Variants in HECW2 observed in about 807,000 individuals in gnomAD.
The protein encoded by HECW2 is HECT, C2 and WW domain containing E3 ubiquitin protein ligase 2.
In HECW2, 61 loss-of-function variants were observed where a neutral mutation model predicts 175.2. The observed-to-expected ratio is 0.35, with a 90% CI of 0.28 to 0.43. HECW2 has a LOEUF of 0.43. Among genes scored for constraint, HECW2 ranks in the 20% least tolerant of loss-of-function variants. The pLI is 1.00. For missense variants in HECW2, 1,524 were observed against 2,000.5 expected (o/e 0.76, Z 4.54); for synonymous variants, 671 against 731.0 (o/e 0.92, Z 1.32).
chr2:196,291,474 A>G (rs1331999895), intron 14 of HECW2: 1 of 152,216 alleles, frequency 6.6e-6, no homozygotes, highest in Non-Finnish European at 1.5e-5. Flanking sequence ...TAGTTGGCTT[A>G]CCTGTTTTGC....
chr2:196,245,717 C>T (rs191347522), intron 19 of HECW2, among the ~76,000 whole-genome samples: 2 of 152,232 alleles, frequency 1.3e-5, no homozygotes, highest in East Asian at 1.9e-4. Context: ...TGGCTATTGA[C>T]CAATAATCTG....
chr2:196,565,139 C>T (rs1575677877), intron 1 of HECW2, among the ~76,000 whole-genome samples: 1 of 152,106 alleles, frequency 6.6e-6, no homozygotes, highest in African/African-American at 2.4e-5. Flanking sequence ...AGGCCAGTGG[C>T]TGCAGTAACC....
intron 28 of HECW2, among the ~76,000 whole-genome samples, chr2:196,203,776 C>G (rs1328282601): frequency 2.6e-5 from 4 of 152,154 alleles, no homozygotes; most frequent in African/African-American, 9.7e-5. Flanking sequence ...CATTAGTACA[C>G]CTACGTTATT....
At chr2:196,279,536 T>C in intron 14 of HECW2, among the ~76,000 whole-genome samples, 1 of 152,192 alleles carries the variant, frequency 6.6e-6, no homozygotes, top group Non-Finnish European at 1.5e-5. Context: ...TCCACATCTC[T>C]ATCACCATAG....
At chr2:196,451,264 T>C (rs1490682176) in intron 1 of HECW2, among the ~76,000 whole-genome samples, 1 of 151,444 alleles carries the variant, frequency 6.6e-6, no homozygotes, top group African/African-American at 2.4e-5. Context: ...TGAAACCCCG[T>C]CTCTACTAAA....
chr2:196,236,888 A>C (rs1179975884), intron 21 of HECW2, among the ~76,000 whole-genome samples: 1 of 152,212 alleles, frequency 6.6e-6, no homozygotes, highest in Non-Finnish European at 1.5e-5. Flanking sequence ...TCTACTGTGA[A>C]GTTACTTTGT....
chr2:196,562,714 C>A (rs1002064189), intron 1 of HECW2, among the ~76,000 whole-genome samples: 4 of 151,314 alleles, frequency 2.6e-5, no homozygotes, highest in African/African-American at 9.8e-5. Flanking sequence ...CAGGAGGCAG[C>A]ACTCAGAATT....
At chr2:196,470,752 A>G (rs532435421) in intron 1 of HECW2, among the ~76,000 whole-genome samples, 1 of 152,310 alleles carries the variant, frequency 6.6e-6, no homozygotes, top group South Asian at 2.1e-4. Flanking sequence ...ACCCATTGAT[A>G]TATGGAAGCT....
At chr2:196,416,369 G>A (rs578025558) in intron 2 of HECW2, among the ~76,000 whole-genome samples, 11 of 152,262 alleles carry the variant, frequency 7.2e-5, no homozygotes, top group African/African-American at 2.4e-4. Flanking sequence ...GTATTTCTAT[G>A]TATTTGATCA....
intron 1 of HECW2, among the ~76,000 whole-genome samples, chr2:196,443,027 C>A (rs1227874788): frequency 6.6e-6 from 1 of 152,004 alleles, no homozygotes; most frequent in East Asian, 1.9e-4. Flanking sequence ...AAATAATGAA[C>A]CAAAGATGCT....
chr2:196,549,367 G>A (rs1689533875), intron 1 of HECW2, among the ~76,000 whole-genome samples: 2 of 152,058 alleles, frequency 1.3e-5, no homozygotes, highest in Admixed American at 1.3e-4. Flanking sequence ...TTCCTTCATG[G>A]TTTTACCACT....
rs142583315 is a variant in HECW2 at position 196,508,336 on chromosome 2, T to A, written c.-35-74878A>T. On this transcript the variant is annotated intron_variant, in intron 1 of 28. Coordinates refer to ENST00000644978, the MANE Select transcript of HECW2 (RefSeq NM_001348768.2). ...CTGGGTATGCTCAAGACAAACAGGC[T>A]GAGTATTTCCATCTTTCCCTGTGGT... Among the ~76,000 whole-genome samples, 322 of 152,342 alleles carry A rather than the reference T, an allele frequency of 2.1e-3. 2 individuals carry two copies. Among genetic ancestry groups the A allele is most frequent in the African/African-American group, 7.5e-3 (311 of 41,578 alleles).
chr2:196,215,670 T>A (rs1687452023), intron 28 of HECW2, among the ~76,000 whole-genome samples, 195 bp downstream of exon 28: 1 of 152,192 alleles, frequency 6.6e-6, no homozygotes, highest in South Asian at 2.1e-4. Flanking sequence ...AAGATATGGA[T>A]GTATGTATTT....
Position 196,307,989 on chromosome 2 carries a change from G to A in HECW2, c.2531C>T (p.Pro844Leu), listed in dbSNP as rs762187660. ...TWQRPTAPPA[P>L]QVLQRSNSIQ... Reference sequence around the variant, plus strand: ...GGAGTTAGATCTCTGCAGCACCTGCGGGGCTGGGGGAGCTGTCGGTCGCTG... The same window carrying A: ...GGAGTTAGATCTCTGCAGCACCTGCAGGGCTGGGGGAGCTGTCGGTCGCTG... Residue 844 changes from proline to leucine, a missense_variant, in exon 11 of 29, where the codon CCG becomes CTG. Coordinates refer to ENST00000644978, the MANE Select transcript of HECW2 (RefSeq NM_001348768.2). 23 of 1,603,792 alleles carry A rather than the reference G, an allele frequency of 1.4e-5. No homozygotes were observed. In the African/African-American group the frequency reaches 2.0e-4, roughly 14 times the overall value.
chr2:196,592,200 G>C (rs1242712243), intron 1 of HECW2, among the ~76,000 whole-genome samples: 1 of 152,144 alleles, frequency 6.6e-6, no homozygotes, highest in African/African-American at 2.4e-5. Flanking sequence ...AGTGAAAGCA[G>C]AAATCATAAC....
intron 2 of HECW2, among the ~76,000 whole-genome samples, chr2:196,359,716 T>C (rs1168060912): frequency 1.3e-5 from 2 of 152,228 alleles, no homozygotes; most frequent in African/African-American, 4.8e-5. Context: ...CTATAATAGC[T>C]AATTTTATTT....
chr2:196,589,065 G>T (rs1158817928), intron 1 of HECW2, among the ~76,000 whole-genome samples: 1 of 152,076 alleles, frequency 6.6e-6, no homozygotes, highest in Non-Finnish European at 1.5e-5. Context: ...TGATGGTAGT[G>T]GTGCGTGCCT....
chr2:196,257,431 A>AG (rs1201605793), intron 18 of HECW2, among the ~76,000 whole-genome samples: 1 of 49,046 alleles, frequency 2.0e-5, no homozygotes, highest in African/African-American at 4.1e-5. Flanking sequence ...AGTCAGCAAA[A>AG]GGGGACAAAA....
chr2:196,511,728 AGT>A lies in HECW2; in HGVS notation c.-35-78272_-35-78271del, dbSNP rs201198083. Among the ~76,000 whole-genome samples the A allele has an allele frequency of 4.6e-3, 697 of 152,318 alleles. 2 individuals carry two copies. The highest frequency in any genetic ancestry group is 0.014 in the Middle Eastern group (4 of 294). Reference sequence around the variant, plus strand: ...TGCAAGGTTAGTATTGCATGAGAAAAGTGTGTGATCCAAAGGGCAGAGTCTTA... The same window carrying A: ...TGCAAGGTTAGTATTGCATGAGAAAAGTGTGATCCAAAGGGCAGAGTCTTA... On this transcript the variant is annotated intron_variant, in intron 1 of 28. Transcript: ENST00000644978.
Sources: allele counts gnomAD v4.1 joint callset (sites outside exome capture counted in the v4.1 genomes callset), GRCh38; gene constraint gnomAD v4.1.1; transcripts MANE v1.5; gene names NCBI Gene and HGNC (gene_info 2026-07-23, HGNC 2026-07-21).